The following UNC5C variants were observed in gnomAD, a reference collection of about 807,000 sequenced individuals.
UNC5C encodes unc-5 netrin receptor C.
UNC5C carries 47 observed loss-of-function variants against 99.8 expected under a neutral mutation model. That is an observed-to-expected ratio of 0.47 (90% CI 0.37 to 0.60). The LOEUF is 0.60. UNC5C is among the 20% of genes least tolerant of loss of function. The probability of loss-of-function intolerance (pLI) is 0.00; values close to 1 mark genes in which losing one functional copy is unlikely to be tolerated. For missense variants in UNC5C, 1,062 were observed against 1,165.9 expected, an observed-to-expected ratio of 0.91 and a Z score of 1.30; for synonymous variants, 487 against 452.2, an observed-to-expected ratio of 1.08 and a Z score of -0.98.
intron 7 of UNC5C, among the ~76,000 whole-genome samples, chr4:95,230,042 C>G (rs1421501985): frequency 6.6e-6 from 1 of 151,900 alleles, no homozygotes; most frequent in Non-Finnish European, 1.5e-5. Flanking sequence ...AACTCCTGAC[C>G]TCAGGTGATC....
At chr4:95,294,721 C>G (rs1199050269) in intron 3 of UNC5C, among the ~76,000 whole-genome samples, 1 of 152,144 alleles carries the variant, frequency 6.6e-6, no homozygotes, top group Non-Finnish European at 1.5e-5. Flanking sequence ...ACAGACTTTT[C>G]AGTTTTCAAA....
chr4:95,243,878 T>C (rs552112933), intron 6 of UNC5C, among the ~76,000 whole-genome samples: 1 of 152,278 alleles, frequency 6.6e-6, no homozygotes, highest in South Asian at 2.1e-4. Context: ...AATTGATCAG[T>C]GCATTTTTAA....
At chr4:95,448,225 T>TGAGAGAGA (rs1260024385) in intron 1 of UNC5C, among the ~76,000 whole-genome samples, 155 of 105,724 alleles carry the variant, frequency 1.5e-3, no homozygotes, top group African/African-American at 4.2e-3. Flanking sequence ...TGTGTGTGTG[T>TGAGAGAGA]GTGAGAGAGA....
intron 1 of UNC5C, among the ~76,000 whole-genome samples, chr4:95,375,672 T>C (rs1004395229): frequency 2.0e-5 from 3 of 152,320 alleles, no homozygotes; most frequent in Non-Finnish European, 2.9e-5. Context: ...AAACGCAATA[T>C]TCTTTATGGG....
chr4:95,457,525 ACAAGAG>A (rs1747474524), intron 1 of UNC5C, among the ~76,000 whole-genome samples: 1 of 152,108 alleles, frequency 6.6e-6, no homozygotes, highest in Non-Finnish European at 1.5e-5. Flanking sequence ...AACCAACAAA[ACAAGAG>A]CACACGGCTG....
intron 1 of UNC5C, among the ~76,000 whole-genome samples, chr4:95,495,349 A>T (rs1408837482): frequency 6.6e-6 from 1 of 151,552 alleles, no homozygotes; most frequent in Non-Finnish European, 1.5e-5. Context: ...GGTCTATAAA[A>T]GCTGCCCCTG....
intron 3 of UNC5C, among the ~76,000 whole-genome samples, chr4:95,280,544 C>G (rs956282772): frequency 2.0e-5 from 3 of 152,018 alleles, no homozygotes; most frequent in Admixed American, 6.6e-5. Flanking sequence ...CAAAAATTAG[C>G]TTGGCATGGT....
intron 1 of UNC5C, among the ~76,000 whole-genome samples, chr4:95,354,402 C>T (rs1744096174): frequency 6.6e-6 from 1 of 150,598 alleles, no homozygotes; most frequent in Admixed American, 6.6e-5. Flanking sequence ...ATCCTATGCA[C>T]ACAACACGCA....
At chr4:95,385,607 G>T (rs1341730919) in intron 1 of UNC5C, among the ~76,000 whole-genome samples, 1 of 152,106 alleles carries the variant, frequency 6.6e-6, no homozygotes, top group Non-Finnish European at 1.5e-5. Context: ...GAGGACTTCT[G>T]TAAATCTAAC....
At chr4:95,455,726 T>C (rs927516015) in intron 1 of UNC5C, among the ~76,000 whole-genome samples, 2 of 152,098 alleles carry the variant, frequency 1.3e-5, no homozygotes, top group Non-Finnish European at 1.5e-5. Context: ...TGCATCTGCA[T>C]ACAGAGAGAA....
intron 1 of UNC5C, among the ~76,000 whole-genome samples, chr4:95,478,130 C>A (rs1466272483): frequency 2.6e-5 from 4 of 151,932 alleles, no homozygotes; most frequent in Admixed American, 2.6e-4. Context: ...CTTTATTAGT[C>A]CTTACACCCA....
chr4:95,331,387 T>C (rs1043333695), intron 2 of UNC5C, among the ~76,000 whole-genome samples: 8 of 152,086 alleles, frequency 5.3e-5, no homozygotes, highest in African/African-American at 9.7e-5. Context: ...CTCTGAGAAA[T>C]CTCCATACTG....
chr4:95,260,988 T>C (rs957431043), intron 4 of UNC5C, among the ~76,000 whole-genome samples: 2 of 152,148 alleles, frequency 1.3e-5, no homozygotes, highest in African/African-American at 4.8e-5. Flanking sequence ...AGAGAAGAGC[T>C]TGCACAGGTT....
chr4:95,241,458 G>A (rs1369110954), intron 7 of UNC5C, among the ~76,000 whole-genome samples: 2 of 152,030 alleles, frequency 1.3e-5, no homozygotes, highest in Non-Finnish European at 2.9e-5. Context: ...TCATAAGTGT[G>A]GTAAAAACAA....
intron 7 of UNC5C, 36 bp downstream of exon 7, chr4:95,242,393 C>A (rs373097384): frequency 3.7e-6 from 6 of 1,611,586 alleles, no homozygotes; most frequent in Non-Finnish European, 5.1e-6. Flanking sequence ...AATCTCCAGC[C>A]CCCTCAATGT....
intron 1 of UNC5C, among the ~76,000 whole-genome samples, chr4:95,548,339 G>C (rs1011585657): frequency 4.6e-5 from 7 of 152,094 alleles, no homozygotes; most frequent in African/African-American, 1.4e-4. Context: ...GCGCTTCGGG[G>C]TGCATCTACG....
chr4:95,182,702 TAATA>T lies in UNC5C; in HGVS notation c.2451+191_2451+194del, dbSNP rs540640296. On this transcript the variant is annotated intron_variant, in intron 14 of 15. Transcript: ENST00000453304. ...GACTTGTTTTTCAAAAAGGATCCCT[TAATA>T]TATATATATTTTTTTCTGCAGCTAG... 1.8e-3 allele frequency among the ~76,000 whole-genome samples: 268 copies of T among 152,324 alleles called. 1 individual carries two copies. Among genetic ancestry groups the T allele is most frequent in the Middle Eastern group, 6.8e-3 (2 of 292 alleles).
At chr4:95,279,052 A>G (rs1740960854) in intron 3 of UNC5C, among the ~76,000 whole-genome samples, 1 of 152,272 alleles carries the variant, frequency 6.6e-6, no homozygotes, top group East Asian at 1.9e-4. Flanking sequence ...ATGTATATAC[A>G]TATTTTCCTC....
chr4:95,337,081 A>G (rs1051428669), intron 1 of UNC5C, among the ~76,000 whole-genome samples: 2 of 151,672 alleles, frequency 1.3e-5, no homozygotes, highest in Non-Finnish European at 3.0e-5. Context: ...GTCTTAACCA[A>G]TTTTTTTTCT....
Sources: gnomAD v4.1 joint callset for allele counts (sites outside exome capture counted in the v4.1 genomes callset) on GRCh38, gnomAD v4.1.1 for gene constraint, MANE v1.5 for transcripts, NCBI Gene and HGNC (gene_info 2026-07-23, HGNC 2026-07-21) for gene names.